TRDN: variants seen among roughly 807,000 people sequenced by gnomAD.
TRDN encodes triadin, also known as triadin in skeletal muscle.
TRDN carries 161 observed loss-of-function variants against 149.7 expected under a neutral mutation model. That is an observed-to-expected ratio of 1.08 (90% CI 0.95 to 1.23). The LOEUF is 1.23. Among genes scored for constraint, TRDN ranks in the 50% most tolerant of loss-of-function variants. TRDN has a pLI of 0.00. For missense variants in TRDN, 896 were observed against 823.5 expected (o/e 1.09, Z -1.08); for synonymous variants, 294 against 250.5 (o/e 1.17, Z -1.64).
intron 1 of TRDN, among the ~76,000 whole-genome samples, chr6:123,574,871 TATATATATATATATATATATATAC>T (rs1169347463): frequency 5.1e-4 from 63 of 124,398 alleles, no homozygotes; most frequent in African/African-American, 2.0e-3. Context: ...TATATATATA[TATATATATATATATATATATATAC>T]ACACATTTTC....
intron 1 of TRDN, among the ~76,000 whole-genome samples, chr6:123,604,301 AG>A (rs1408631029): frequency 6.6e-6 from 1 of 152,224 alleles, no homozygotes; most frequent in Non-Finnish European, 1.5e-5. Flanking sequence ...CATGTGTAAA[AG>A]CTTAAAGAAT....
intron 1 of TRDN, among the ~76,000 whole-genome samples, chr6:123,572,722 G>T (rs1001687457): frequency 6.6e-6 from 1 of 152,022 alleles, no homozygotes; most frequent in Admixed American, 6.6e-5. Flanking sequence ...AAACATTTTT[G>T]TGTATTAAAA....
intron 33 of TRDN, among the ~76,000 whole-genome samples, chr6:123,261,248 GCAAA>G (rs1378450083): frequency 2.0e-5 from 3 of 151,702 alleles, no homozygotes; most frequent in Non-Finnish European, 4.4e-5. Flanking sequence ...ATTGATGCAT[GCAAA>G]CATTCATTCA....
At chr6:123,566,198 C>G (rs961603531) in intron 2 of TRDN, among the ~76,000 whole-genome samples, 3 of 152,072 alleles carry the variant, frequency 2.0e-5, no homozygotes, top group African/African-American at 7.2e-5. Flanking sequence ...TTATTTGGTG[C>G]CTTAAAATTT....
chr6:123,585,757 C>G (rs539748827), intron 1 of TRDN, among the ~76,000 whole-genome samples: 3 of 152,034 alleles, frequency 2.0e-5, no homozygotes, highest in Non-Finnish European at 4.4e-5. Context: ...TTGTAGCAAG[C>G]TCCTGGGGGA....
At chr6:123,251,705 TAAAA>T (rs1776381776) in intron 38 of TRDN, among the ~76,000 whole-genome samples, 1 of 151,850 alleles carries the variant, frequency 6.6e-6, no homozygotes, top group Non-Finnish European at 1.5e-5. Context: ...AATATGGAAA[TAAAA>T]AAGGATAAAT....
chr6:123,243,778 T>C (rs569648550), intron 38 of TRDN, among the ~76,000 whole-genome samples: 2 of 152,210 alleles, frequency 1.3e-5, no homozygotes, highest in Admixed American at 1.3e-4. Flanking sequence ...AATAACTTAA[T>C]GATGAGCAAT....
At chr6:123,257,380 A>G (rs1452484423) in intron 35 of TRDN, among the ~76,000 whole-genome samples, 1 of 152,190 alleles carries the variant, frequency 6.6e-6, no homozygotes, top group African/African-American at 2.4e-5. Flanking sequence ...TCCCAACACC[A>G]TTTATTAAAT....
chr6:123,514,449 G>GA (rs1350070926), intron 6 of TRDN, among the ~76,000 whole-genome samples: 3 of 152,088 alleles, frequency 2.0e-5, no homozygotes, highest in East Asian at 3.9e-4. Context: ...AAGACCACAA[G>GA]AAAATGTCAG....
chr6:123,219,814 G>A (rs1335655135), intron 40 of TRDN, among the ~76,000 whole-genome samples: 2 of 151,744 alleles, frequency 1.3e-5, no homozygotes, highest in East Asian at 2.0e-4. Context: ...TGGGAGCTTG[G>A]GGGTTAGGCA....
chr6:123,342,711 G>T (rs2114260997), intron 21 of TRDN, among the ~76,000 whole-genome samples: 1 of 152,066 alleles, frequency 6.6e-6, no homozygotes, highest in South Asian at 2.1e-4. Flanking sequence ...AGATGACAAA[G>T]TTAGGGTTAA....
At position 123,452,422 on chromosome 6, in the gene TRDN, C is replaced by T. The variant is rs527714726; in HGVS notation, c.931+12484G>A. On this transcript the variant is annotated intron_variant, in intron 10 of 40. Transcript: ENST00000334268. The stretch of plus-strand genomic sequence containing the variant: ...AGTTTCCAGATACAAGATTAATGTA[C>T]ACATATCAGCAGTTCTTCTATACAT... 7.2e-5 allele frequency among the ~76,000 whole-genome samples: 11 copies of T among 152,072 alleles called. No individual in the cohort carries two copies. The South Asian group carries it at 2.3e-3, about 32-fold the overall frequency.
chr6:123,406,336 G>A (rs1773188156), intron 12 of TRDN, among the ~76,000 whole-genome samples: 1 of 152,146 alleles, frequency 6.6e-6, no homozygotes, highest in East Asian at 1.9e-4. Context: ...TAAACACAGT[G>A]TTTAAAAAGT....
At chr6:123,360,450 A>T (rs965132587) in intron 20 of TRDN, among the ~76,000 whole-genome samples, 8 of 152,354 alleles carry the variant, frequency 5.3e-5, no homozygotes, top group Middle Eastern at 6.8e-3. Context: ...CTATATTGTC[A>T]TGGTAGCCCA....
intron 12 of TRDN, among the ~76,000 whole-genome samples, chr6:123,408,104 G>A (rs1414156666): frequency 6.6e-6 from 1 of 152,024 alleles, no homozygotes; most frequent in Non-Finnish European, 1.5e-5. Context: ...GTTTTATGCT[G>A]GTACTAATCA....
chr6:123,563,042 T>C (rs73539124), intron 2 of TRDN, among the ~76,000 whole-genome samples: 2,358 of 152,332 alleles, frequency 0.015, 62 homozygotes, highest in African/African-American at 0.053. Flanking sequence ...AGTTTAGAAA[T>C]GTGCACTTGT....
chr6:123,259,690 C>T (rs920487652), intron 34 of TRDN, 28 bp from the exon 35 acceptor site: 9 of 1,436,694 alleles, frequency 6.3e-6, no homozygotes, highest in Non-Finnish European at 8.4e-6. Context: ...AACAAGAAAC[C>T]ATCATTTTAA....
At chr6:123,281,662 C>T (rs146060125) in intron 24 of TRDN, among the ~76,000 whole-genome samples, 1 of 152,112 alleles carries the variant, frequency 6.6e-6, no homozygotes, top group Non-Finnish European at 1.5e-5. Context: ...TTCAGTTGTG[C>T]TCTTAAAGCC....
chr6:123,341,128 C>A (rs1780050133), intron 21 of TRDN, among the ~76,000 whole-genome samples: 1 of 151,476 alleles, frequency 6.6e-6, no homozygotes, highest in Non-Finnish European at 1.5e-5. Context: ...TTCAAGTTGC[C>A]TAAATGATTT....
Sources: allele counts gnomAD v4.1 joint callset (sites outside exome capture counted in the v4.1 genomes callset), GRCh38; gene constraint gnomAD v4.1.1; transcripts MANE v1.5; gene names NCBI Gene and HGNC (gene_info 2026-07-23, HGNC 2026-07-21).